Variants in HYPK observed in about 807,000 individuals in gnomAD.
The protein encoded by HYPK is huntingtin interacting protein K, also known as huntingtin-interacting protein K.
A neutral mutation model predicts 13.9 loss-of-function variants in HYPK; 9 were observed. The ratio of observed to expected loss-of-function variants is 0.65; its 90% confidence interval spans 0.39 to 1.13. HYPK has a LOEUF of 1.13. Among genes scored for constraint, HYPK ranks in the 50% most tolerant of loss-of-function variants. The pLI, the probability that HYPK is intolerant of heterozygous loss-of-function variation, is 0.01. For missense variants in HYPK, 138 were observed against 157.6 expected (o/e 0.88, Z 0.67); for synonymous variants, 76 against 57.0 (o/e 1.33, Z -1.50).
At chr15:43,800,858 C>A in intron 1 of HYPK, 74 bp downstream of exon 1, 3 of 1,364,894 alleles carry the variant, frequency 2.2e-6, no homozygotes, top group Non-Finnish European at 3.0e-6. Context: ...TGGAAGCCAG[C>A]GCTCCAAGAC....
At position 43,800,647 on chromosome 15, in the gene HYPK, C is replaced by T; in HGVS notation, c.25C>T (p.Leu9=). The T allele has an allele frequency of 8.1e-6, 13 of 1,614,070 alleles. No homozygotes were observed. The highest frequency in any genetic ancestry group is 1.1e-5 in the Non-Finnish European group (13 of 1,180,016). The change falls in exon 1 of 4, where the codon CTG becomes TTG. Residue 9 remains leucine, a synonymous_variant. Coordinates refer to ENST00000442995, the MANE Select transcript of HYPK (RefSeq NM_016400.4). Reference sequence around the variant, plus strand: ...TATGGCGACCGAGGGGGATGTGGAGCTGGAGTTGGAGACTGAGACCAGTGG... The same window carrying T: ...TATGGCGACCGAGGGGGATGTGGAGTTGGAGTTGGAGACTGAGACCAGTGG... MATEGDVE[L]ELETETSGPE...
chr15:43,801,869 T>C lies in HYPK; in HGVS notation c.*63T>C. 7.0e-7 allele frequency: 1 copy of C among 1,427,916 alleles called. No individual in the cohort carries two copies. Among genetic ancestry groups the C allele is most frequent in the Non-Finnish European group, 9.8e-7 (1 of 1,015,334 alleles). 88.5% of individuals were successfully genotyped at this position (1,427,916 alleles called of 1,614,324 possible). ...TGGCAATAAAATTTTTTTTTGTCTT[T>C]TTCAGTTTTATCATCTTGGGTCAAG... On this transcript the variant is annotated 3_prime_UTR_variant, in exon 4 of 4. Coordinates refer to ENST00000442995, the MANE Select transcript of HYPK (RefSeq NM_016400.4).
At chr15:43,800,819 A>C (rs1217864293) in intron 1 of HYPK, 35 bp downstream of exon 1, 1 of 1,562,318 alleles carries the variant, frequency 6.4e-7, no homozygotes, top group Non-Finnish European at 8.7e-7. Flanking sequence ...GGGCGGGCTG[A>C]GAGCAGAGGG....
chr15:43,800,628 G>T lies in HYPK; in HGVS notation c.6G>T (p.Ala2=). M[A]TEGDVELELE... is the part of the protein sequence containing the mutation. ...GGCGGCGTGGTGAAATAGATATGGC[G>T]ACCGAGGGGGATGTGGAGCTGGAGT... Residue 2 remains alanine, a synonymous_variant, in exon 1 of 4, where the codon GCG becomes GCT. Coordinates refer to ENST00000442995, the MANE Select transcript of HYPK (RefSeq NM_016400.4). 6.2e-7 allele frequency: 1 copy of T among 1,614,096 alleles called. No individual in the cohort carries two copies. Among genetic ancestry groups the T allele is most frequent in the South Asian group, 1.1e-5 (1 of 91,046 alleles).
chr15:43,801,759 G>A lies in HYPK; in HGVS notation c.319G>A (p.Glu107Lys), dbSNP rs1316055965. ...AGCAGCAGCAGAACGCAGTTTGCGG[G>A]AACACATGGGCAACGTGGTAGAGGC... is the stretch of plus-strand genomic sequence containing the variant. ...SRAAAERSLR[E>K]HMGNVVEALI... The change falls in exon 4 of 4, where the codon GAA becomes AAA. Residue 107 changes from glutamate (E) to lysine (K), a missense_variant. Glu to Lys is a moderately conservative substitution (Grantham distance 56). This residue lies in a region of HYPK where 91 missense variants were observed against 96.8 expected (regional missense o/e 0.94). Coordinates refer to ENST00000442995, the MANE Select transcript of HYPK (RefSeq NM_016400.4). 1.2e-6 allele frequency: 2 copies of A among 1,614,112 alleles called. No individual in the cohort carries two copies. The highest frequency in any genetic ancestry group is 1.7e-6 in the Non-Finnish European group (2 of 1,180,056).
rs2087348048 is a variant in HYPK at position 43,804,351 on chromosome 15, T to G, written c.*2545T>G. Reference sequence around the variant, plus strand: ...TATTTGATTCTTCCAGTGGGACATTTAAAGGATGTGAGAAGACCTTGGTCT... The same window carrying G: ...TATTTGATTCTTCCAGTGGGACATTGAAAGGATGTGAGAAGACCTTGGTCT... On this transcript the variant is annotated 3_prime_UTR_variant, in exon 4 of 4. Coordinates refer to ENST00000442995, the MANE Select transcript of HYPK (RefSeq NM_016400.4). 6.6e-6 allele frequency: 1 copy of G among 152,182 alleles called. No homozygotes were observed. The highest frequency in any genetic ancestry group is 2.4e-5 in the African/African-American group (1 of 41,448). 9.4% of individuals were successfully genotyped at this position (152,182 alleles called of 1,614,324 possible).
chr15:43,802,060 C>T lies in HYPK; in HGVS notation c.*254C>T. On this transcript the variant is annotated 3_prime_UTR_variant, in exon 4 of 4. Coordinates refer to ENST00000442995, the MANE Select transcript of HYPK (RefSeq NM_016400.4). ...GCCAGTCTCATTCATCTGACTAGCT[C>T]TCAACAGTATTCAAGGTACATCTGG... 1 of 501,126 alleles carries T rather than the reference C, an allele frequency of 2.0e-6. No individual in the cohort carries two copies. Among genetic ancestry groups the T allele is most frequent in the South Asian group, 2.2e-5 (1 of 44,748 alleles). 31.0% of individuals were successfully genotyped at this position (501,126 alleles called of 1,614,324 possible).
In HYPK at chr15:43,801,369, TC is replaced by T. The variant is rs1240561178; in HGVS notation, c.219-147del. On this transcript the variant is annotated intron_variant, in intron 2 of 3. Transcript: ENST00000442995. ...TCCTGGCAACACCTGCTGCCAAGAC[TC>T]CAGGGGAAAGGAGTATTAGTGGGAG... 32 of 855,734 alleles carry T rather than the reference TC, an allele frequency of 3.7e-5. No individual in the cohort carries two copies. The Middle Eastern group carries it at 9.0e-4, about 24-fold the overall frequency. 53.0% of individuals were successfully genotyped at this position (855,734 alleles called of 1,614,324 possible). A position where few individuals can be genotyped will look rare whatever the true frequency, so the allele number is the denominator to read the frequency against.
chr15:43,801,583 CCTAA>C lies in HYPK; in HGVS notation c.270+18_270+21del, dbSNP rs757990615. The C allele has an allele frequency of 6.2e-6, 10 of 1,612,230 alleles. No individual in the cohort carries two copies. Among genetic ancestry groups the C allele is most frequent in the Non-Finnish European group, 8.5e-6 (10 of 1,178,334 alleles). On this transcript the variant is annotated intron_variant, in intron 3 of 3. Coordinates refer to ENST00000442995, the MANE Select transcript of HYPK (RefSeq NM_016400.4). ...CTGGAGCTAATAGTGAGTGGTAGTGCCTAACTAGTGTATGCGGAGGGGAGGCTAT... is the reference window on the plus strand; with the variant it reads ...CTGGAGCTAATAGTGAGTGGTAGTGCCTAGTGTATGCGGAGGGGAGGCTAT...
intron 2 of HYPK, 60 bp from the exon 3 acceptor site, chr15:43,801,458 T>C (rs1195685245): frequency 2.1e-5 from 30 of 1,426,250 alleles, no homozygotes; most frequent in Non-Finnish European, 2.4e-5. Context: ...GAATGACCCT[T>C]CCTGGGAGTT....
rs1241738685 is a variant in HYPK, at chr15:43,802,587, A to AAAAAAAAAAAAAAAAAAAAAAAC, written c.*785_*786insAAAAAAAAAAAAAAAAAACAAAA. 6.6e-6 allele frequency: 1 copy of AAAAAAAAAAAAAAAAAAAAAAAC among 151,302 alleles called. No homozygotes were observed. The highest frequency in any genetic ancestry group is 1.9e-4 in the East Asian group (1 of 5,176). The allele number at this position is 151,302 out of a possible 1,614,324, so 9.4% of individuals were successfully genotyped here. On this transcript the variant is annotated 3_prime_UTR_variant, in exon 4 of 4. Coordinates refer to ENST00000442995, the MANE Select transcript of HYPK (RefSeq NM_016400.4). ...TCCATCTCAAAAAAAAAAAAAAAAA[A>AAAAAAAAAAAAAAAAAAAAAAAC]AAAAGCCCGGGCACAGTGGCTCACA...
chr15:43,804,088 A>AAAAC lies in HYPK; in HGVS notation c.*2298_*2301dup, dbSNP rs200227002. ...GCCTGGGCAACAGAGCCGTCTCTTT[A>AAAAC]AAACAAACAAACAAACAAAAAAAAA... On this transcript the variant is annotated 3_prime_UTR_variant, in exon 4 of 4. Transcript: ENST00000442995. Among the ~76,000 whole-genome samples the AAAAC allele has an allele frequency of 1.1e-4, 16 of 147,598 alleles. 1 individual carries two copies. Among genetic ancestry groups the AAAAC allele is most frequent in the East Asian group, 4.0e-4 (2 of 4,960 alleles).
In HYPK at chr15:43,800,634, G is replaced by C. The variant is rs375981580; in HGVS notation, c.12G>C (p.Glu4Asp). ...GTGGTGAAATAGATATGGCGACCGA[G>C]GGGGATGTGGAGCTGGAGTTGGAGA... MAT[E>D]GDVELELETE... Residue 4 changes from glutamate to aspartate, a missense_variant, in exon 1 of 4, where the codon GAG (glutamate) becomes GAC (aspartate). Around this residue, in one of 3 missense-constraint regions of HYPK, gnomAD observed 43 missense variants for 30.4 expected, o/e 1.41. Transcript: ENST00000442995. 9.3e-6 allele frequency: 15 copies of C among 1,614,178 alleles called. No homozygotes were observed. The highest frequency in any genetic ancestry group is 1.3e-5 in the Non-Finnish European group (15 of 1,180,024).
intron 1 of HYPK, 96 bp downstream of exon 1, chr15:43,800,880 C>T (rs370968753): frequency 7.2e-6 from 9 of 1,251,248 alleles, no homozygotes; most frequent in African/African-American, 6.0e-5. Flanking sequence ...GGGTTCTGAT[C>T]CCGTTGGCAG....
At position 43,801,821 on chromosome 15, in the gene HYPK, A is replaced by G. The variant is rs2087321240; in HGVS notation, c.*15A>G. ...TAACCAACTGATGCGTGCTTTCTCAAATATACCTACTGGATTAATTTATGG... is the reference window on the plus strand; with the variant it reads ...TAACCAACTGATGCGTGCTTTCTCAGATATACCTACTGGATTAATTTATGG... On this transcript the variant is annotated 3_prime_UTR_variant, in exon 4 of 4. Coordinates refer to ENST00000442995, the MANE Select transcript of HYPK (RefSeq NM_016400.4). 2 of 1,610,048 alleles carry G rather than the reference A, an allele frequency of 1.2e-6. No individual in the cohort carries two copies. Among genetic ancestry groups the G allele is most frequent in the Non-Finnish European group, 1.7e-6 (2 of 1,176,576 alleles).
rs972339916 is a variant in HYPK at position 43,804,089 on chromosome 15, A to T, written c.*2283A>T. Among the ~76,000 whole-genome samples, 4 of 144,430 alleles carry T rather than the reference A, an allele frequency of 2.8e-5. No homozygotes were observed. The highest frequency in any genetic ancestry group is 8.3e-5 in the African/African-American group (3 of 36,296). 94.8% of individuals were successfully genotyped at this position (144,430 alleles called of 152,430 possible). On this transcript the variant is annotated 3_prime_UTR_variant, in exon 4 of 4. Transcript: ENST00000442995. ...CCTGGGCAACAGAGCCGTCTCTTTA[A>T]AACAAACAAACAAACAAAAAAAAAA...
upstream of HYPK, chr15:43,800,460 G>T (rs1227823678): frequency 1.1e-6 from 1 of 940,854 alleles, no homozygotes; most frequent in South Asian, 1.4e-5. Flanking sequence ...AACCCGAAAG[G>T]AAGTCTGAGA....
intron 3 of HYPK, 52 bp from the exon 4 acceptor site, chr15:43,801,659 T>G: frequency 6.2e-7 from 1 of 1,609,640 alleles, no homozygotes; most frequent in Non-Finnish European, 8.5e-7. Context: ...GTCAGTATAT[T>G]TGGTGGCACA....
upstream of HYPK, chr15:43,800,573 C>T: frequency 6.2e-7 from 1 of 1,611,692 alleles, no homozygotes; most frequent in Non-Finnish European, 8.5e-7. Context: ...GTGTCAGTTG[C>T]CGGAAGTCGG....
Sources: gnomAD v4.1 joint callset for allele counts (sites outside exome capture counted in the v4.1 genomes callset) on GRCh38, gnomAD v4.1.1 for gene constraint, gnomAD v4.1.1 regional missense constraint, MANE v1.5 for transcripts, NCBI Gene and HGNC (gene_info 2026-07-23, HGNC 2026-07-21) for gene names.